The following NLGN4X variants were observed in gnomAD, a reference collection of about 807,000 sequenced individuals.
NLGN4X encodes the protein neuroligin-4, X-linked.
Under a neutral mutation model 40.3 loss-of-function variants are expected in NLGN4X, and 3 were observed. The ratio of observed to expected loss-of-function variants is 0.07; its 90% CI spans 0.03 to 0.19. The LOEUF is 0.19. Among genes scored for constraint, NLGN4X ranks in the 10% least tolerant of loss-of-function variants. The probability of loss-of-function intolerance (pLI) is 1.00; values close to 1 mark genes in which losing one functional copy is unlikely to be tolerated. For synonymous variants in NLGN4X, 270 were observed against 306.8 expected (o/e 0.88, Z 1.25); for missense variants, 382 against 708.3 (o/e 0.54, Z 5.23).
chrX:6,151,543 CAG>C lies in NLGN4X; in HGVS notation c.-79_-78del, dbSNP rs1156976885. 1.1e-6 allele frequency: 1 copy of C among 891,084 alleles called. No homozygotes were observed. Among genetic ancestry groups the C allele is most frequent in the Non-Finnish European group, 1.6e-6 (1 of 612,235 alleles). The allele number at this position is 891,084 out of a possible 1,213,427, so 73.4% of individuals were successfully genotyped here. ...GAGACAAAGCCCAGAGGCGAGCCTGCAGAGAGATAGGGCTTTCCAGGGAGCAG... is the reference window on the plus strand; with the variant it reads ...GAGACAAAGCCCAGAGGCGAGCCTGCAGAGATAGGGCTTTCCAGGGAGCAG... On this transcript the variant is annotated 5_prime_UTR_variant, in exon 2 of 6. Coordinates refer to ENST00000381095, the MANE Select transcript of NLGN4X (RefSeq NM_181332.3).
chrX:6,070,465 C>T (rs890189280), intron 2 of NLGN4X, among the ~76,000 whole-genome samples: 1 of 111,500 alleles, frequency 9.0e-6, no homozygotes, highest in African/African-American at 3.3e-5. Context: ...ACTTTTCAGC[C>T]AGGTGCAGTG....
chrX:5,927,287 C>T (rs370317636), intron 3 of NLGN4X, among the ~76,000 whole-genome samples: 3 of 111,568 alleles, frequency 2.7e-5, no homozygotes, highest in Admixed American at 9.6e-5. Flanking sequence ...CAGGAAGGAA[C>T]GAAAATGCAG....
At chrX:6,160,801 G>A (rs1388971983) in intron 1 of NLGN4X, among the ~76,000 whole-genome samples, 2 of 108,703 alleles carry the variant, frequency 1.8e-5, no homozygotes, top group African/African-American at 6.7e-5. Flanking sequence ...GATTACAGGC[G>A]TGAGCCAACG....
At chrX:6,195,396 T>C (rs1444587880) in intron 1 of NLGN4X, among the ~76,000 whole-genome samples, 1 of 111,886 alleles carries the variant, frequency 8.9e-6, no homozygotes, top group East Asian at 2.8e-4. Context: ...CAGGTGGGGA[T>C]TGAGACCATC....
chrX:5,987,842 G>A (rs1025490533), intron 3 of NLGN4X, among the ~76,000 whole-genome samples: 2 of 111,920 alleles, frequency 1.8e-5, no homozygotes, highest in Non-Finnish European at 3.8e-5. Flanking sequence ...GGGAGGCTGA[G>A]ATGGGAGGAC....
intron 1 of NLGN4X, among the ~76,000 whole-genome samples, chrX:6,188,114 G>T (rs996977743): frequency 3.6e-5 from 4 of 112,101 alleles, no homozygotes; most frequent in African/African-American, 1.3e-4. Context: ...ACAAGAACCA[G>T]CACCCGTCCC....
At chrX:6,007,781 T>G (rs1196364300) in intron 3 of NLGN4X, among the ~76,000 whole-genome samples, 2 of 111,833 alleles carry the variant, frequency 1.8e-5, no homozygotes, top group Non-Finnish European at 3.8e-5. Context: ...TTTCCTAAAG[T>G]CTTTCCCTGG....
At chrX:6,038,453 T>C (rs2037075294) in intron 2 of NLGN4X, among the ~76,000 whole-genome samples, 1 of 112,845 alleles carries the variant, frequency 8.9e-6, no homozygotes. Context: ...GAGCCTCCAC[T>C]TGAATAACAC....
intron 3 of NLGN4X, among the ~76,000 whole-genome samples, chrX:5,969,714 C>T (rs767199426): frequency 7.0e-4 from 78 of 110,754 alleles, no homozygotes; most frequent in Admixed American, 2.0e-3. Flanking sequence ...GCTATAAAGA[C>T]ACATGCACAC....
intron 3 of NLGN4X, among the ~76,000 whole-genome samples, chrX:5,946,820 T>G (rs1231885742): frequency 9.0e-6 from 1 of 111,140 alleles, no homozygotes; most frequent in Non-Finnish European, 1.9e-5. Context: ...TTCCTGATCC[T>G]CTCCCTCTCC....
At chrX:6,185,300 T>G (rs1435666198) in intron 1 of NLGN4X, among the ~76,000 whole-genome samples, 5 of 112,045 alleles carry the variant, frequency 4.5e-5, no homozygotes, top group Non-Finnish European at 9.4e-5. Context: ...CATGTCACAC[T>G]TAAATTGACC....
At chrX:6,037,975 G>C (rs1054726124) in intron 2 of NLGN4X, among the ~76,000 whole-genome samples, 2 of 111,956 alleles carry the variant, frequency 1.8e-5, no homozygotes, top group African/African-American at 3.2e-5. Flanking sequence ...CTACAAATAT[G>C]TGTTGACCCT....
chrX:6,090,418 G>T (rs2038608247), intron 2 of NLGN4X, among the ~76,000 whole-genome samples: 2 of 111,081 alleles, frequency 1.8e-5, no homozygotes, highest in African/African-American at 6.5e-5. Flanking sequence ...TTTTGCTCTC[G>T]TTTTAATTTT....
chrX:5,979,888 A>T (rs1411295438), intron 3 of NLGN4X, among the ~76,000 whole-genome samples: 1 of 106,422 alleles, frequency 9.4e-6, no homozygotes, highest in East Asian at 2.9e-4. Context: ...AATATATATG[A>T]TACAGTATAC....
At chrX:5,917,073 T>C (rs1253158016) in intron 3 of NLGN4X, among the ~76,000 whole-genome samples, 5 of 112,529 alleles carry the variant, frequency 4.4e-5, no homozygotes, top group Non-Finnish European at 7.5e-5. Context: ...ATGCCTTGCA[T>C]TTTGATATGC....
chrX:6,105,637 A>C (rs1032166024), intron 2 of NLGN4X, among the ~76,000 whole-genome samples: 1 of 111,600 alleles, frequency 9.0e-6, no homozygotes, highest in African/African-American at 3.3e-5. Flanking sequence ...CAGCCCTTGG[A>C]AACCCATCCC....
At chrX:6,010,788 A>ACGTGCTGGGATAACAGG (rs1230369792) in intron 3 of NLGN4X, among the ~76,000 whole-genome samples, 2 of 110,645 alleles carry the variant, frequency 1.8e-5, no homozygotes, top group Admixed American at 1.9e-4. Context: ...TAGCCTCCCA[A>ACGTGCTGGGATAACAGG]CGTGCTGGGA....
At chrX:5,949,353 AC>A (rs2034231544) in intron 3 of NLGN4X, among the ~76,000 whole-genome samples, 1 of 111,717 alleles carries the variant, frequency 9.0e-6, no homozygotes, top group Non-Finnish European at 1.9e-5. Flanking sequence ...ACTCAGAAAA[AC>A]AGACTGCTGT....
chrX:5,918,659 T>G (rs2032907056), intron 3 of NLGN4X, among the ~76,000 whole-genome samples: 1 of 112,408 alleles, frequency 8.9e-6, no homozygotes, highest in Non-Finnish European at 1.9e-5. Context: ...ATTTATACTA[T>G]TTTTATATGT....
Sources: gnomAD v4.1 joint callset for allele counts (sites outside exome capture counted in the v4.1 genomes callset) on GRCh38, gnomAD v4.1.1 for gene constraint, MANE v1.5 for transcripts, NCBI Gene and HGNC (gene_info 2026-07-23, HGNC 2026-07-21) for gene names.